The following CNTNAP2 variants were observed in gnomAD, a reference collection of about 807,000 sequenced individuals.
CNTNAP2 encodes the protein contactin-associated protein-like 2.
CNTNAP2 carries 98 observed loss-of-function variants against 155.2 expected under a neutral mutation model. That is an observed-to-expected ratio of 0.63 (90% CI 0.54 to 0.75). The LOEUF is 0.75. Among genes scored for constraint, CNTNAP2 ranks in the 30% least tolerant of loss-of-function variants. The pLI is 0.00. For synonymous variants in CNTNAP2, 651 were observed against 631.2 expected, an observed-to-expected ratio of 1.03 and a Z score of -0.47; for missense variants, 1,727 against 1,688.1, an observed-to-expected ratio of 1.02 and a Z score of -0.40.
At chr7:147,459,758 A>C (rs1259415309) in intron 10 of CNTNAP2, among the ~76,000 whole-genome samples, 2 of 152,194 alleles carry the variant, frequency 1.3e-5, no homozygotes, top group Non-Finnish European at 2.9e-5. Context: ...GAATTTTAAG[A>C]CAATAAAATT....
At chr7:146,749,018 G>A (rs1476084114) in intron 1 of CNTNAP2, among the ~76,000 whole-genome samples, 1 of 152,096 alleles carries the variant, frequency 6.6e-6, no homozygotes, top group African/African-American at 2.4e-5. Context: ...ATTGTGTAGC[G>A]AGGGCATACC....
At chr7:148,005,254 C>T (rs892229307) in intron 15 of CNTNAP2, among the ~76,000 whole-genome samples, 4 of 152,074 alleles carry the variant, frequency 2.6e-5, no homozygotes, top group Admixed American at 6.6e-5. Context: ...CCAGAGAGCT[C>T]GTTAGGGCCC....
chr7:147,602,786 A>G (rs1324502505), intron 12 of CNTNAP2, among the ~76,000 whole-genome samples: 1 of 152,034 alleles, frequency 6.6e-6, no homozygotes, highest in Non-Finnish European at 1.5e-5. Context: ...GATGATTTCC[A>G]ATTTCATCCA....
chr7:146,655,772 C>T (rs1025713558), intron 1 of CNTNAP2, among the ~76,000 whole-genome samples: 2 of 152,096 alleles, frequency 1.3e-5, no homozygotes, highest in African/African-American at 4.8e-5. Context: ...TTAAAGATAT[C>T]CATGAAAACT....
At chr7:146,946,827 A>G (rs1797186777) in intron 3 of CNTNAP2, among the ~76,000 whole-genome samples, 1 of 147,512 alleles carries the variant, frequency 6.8e-6, no homozygotes, top group African/African-American at 2.7e-5. Flanking sequence ...AAAAACTGCA[A>G]TTACTTTTTC....
chr7:147,037,831 T>C (rs910771700), intron 3 of CNTNAP2, among the ~76,000 whole-genome samples: 2 of 152,236 alleles, frequency 1.3e-5, no homozygotes, highest in South Asian at 4.1e-4. Context: ...CTACATCTCC[T>C]TTTATGTTTC....
At chr7:148,124,397 G>A (rs1352267617) in intron 16 of CNTNAP2, among the ~76,000 whole-genome samples, 1 of 152,156 alleles carries the variant, frequency 6.6e-6, no homozygotes, top group East Asian at 1.9e-4. Context: ...ATCTGTCCAT[G>A]TATTTTTTCA....
At chr7:147,475,478 C>A (rs1390191034) in intron 10 of CNTNAP2, among the ~76,000 whole-genome samples, 3 of 151,574 alleles carry the variant, frequency 2.0e-5, no homozygotes, top group Admixed American at 6.6e-5. Flanking sequence ...TTTCTGTGAA[C>A]TGCCCTGTTC....
chr7:147,015,613 C>T (rs1798711512), intron 3 of CNTNAP2, among the ~76,000 whole-genome samples: 1 of 152,000 alleles, frequency 6.6e-6, no homozygotes, highest in Non-Finnish European at 1.5e-5. Context: ...ATTATTTATA[C>T]ATTTTTGAGG....
At chr7:148,132,872 T>G (rs1475296196) in intron 16 of CNTNAP2, among the ~76,000 whole-genome samples, 2 of 152,224 alleles carry the variant, frequency 1.3e-5, no homozygotes, top group African/African-American at 2.4e-5. Flanking sequence ...ACTCTGAAAC[T>G]TCTATGAATT....
intron 1 of CNTNAP2, among the ~76,000 whole-genome samples, chr7:146,572,672 C>G (rs990483419): frequency 1.3e-5 from 2 of 151,890 alleles, no homozygotes; most frequent in Non-Finnish European, 2.9e-5. Context: ...TTATGGTTGT[C>G]AAAACTATAA....
intron 12 of CNTNAP2, among the ~76,000 whole-genome samples, chr7:147,599,837 A>G (rs949395236): frequency 2.0e-5 from 3 of 152,180 alleles, no homozygotes; most frequent in Non-Finnish European, 2.9e-5. Context: ...ATCTGCAAAG[A>G]CGCTATTTCC....
chr7:148,159,526 C>T (rs1166712776), intron 17 of CNTNAP2, among the ~76,000 whole-genome samples: 3 of 152,042 alleles, frequency 2.0e-5, no homozygotes, highest in Admixed American at 2.0e-4. Context: ...GTGTATTTAC[C>T]ACGCATCATT....
chr7:147,281,606 T>A (rs1805035997), intron 8 of CNTNAP2, among the ~76,000 whole-genome samples: 1 of 151,746 alleles, frequency 6.6e-6, no homozygotes, highest in Non-Finnish European at 1.5e-5. Flanking sequence ...TAGCTTTTGA[T>A]AAATTAAATA....
intron 1 of CNTNAP2, among the ~76,000 whole-genome samples, chr7:146,237,530 A>G (rs1273281998): frequency 1.3e-5 from 2 of 152,262 alleles, no homozygotes; most frequent in Non-Finnish European, 2.9e-5. Flanking sequence ...GACCATTCAC[A>G]TAAAAGAGAG....
intron 20 of CNTNAP2, among the ~76,000 whole-genome samples, chr7:148,247,932 G>A (rs1439845664): frequency 2.0e-5 from 3 of 152,000 alleles, no homozygotes; most frequent in African/African-American, 7.3e-5. Flanking sequence ...GGGATTACAG[G>A]TGTGAACCAC....
intron 1 of CNTNAP2, among the ~76,000 whole-genome samples, chr7:146,642,309 T>A (rs1419069356): frequency 1.2e-5 from 1 of 84,862 alleles, no homozygotes; most frequent in Non-Finnish European, 2.1e-5. Flanking sequence ...CCCTCCCCCC[T>A]CCCCCCACCC....
intron 10 of CNTNAP2, among the ~76,000 whole-genome samples, chr7:147,428,612 T>C: frequency 6.6e-6 from 1 of 152,206 alleles, no homozygotes; most frequent in East Asian, 1.9e-4. Flanking sequence ...TTCTTTTACA[T>C]AGGATTTAGA....
At chr7:146,266,886 ATTTTT>A (rs58244472) in intron 1 of CNTNAP2, among the ~76,000 whole-genome samples, 1 of 140,924 alleles carries the variant, frequency 7.1e-6, no homozygotes, top group African/African-American at 2.6e-5. Flanking sequence ...ACATTGCTGA[ATTTTT>A]TTTTTTTTTT....
Sources: allele counts gnomAD v4.1 joint callset (sites outside exome capture counted in the v4.1 genomes callset), GRCh38; gene constraint gnomAD v4.1.1; transcripts MANE v1.5; gene names NCBI Gene and HGNC (gene_info 2026-07-23, HGNC 2026-07-21).